CMAS: variants seen among roughly 807,000 people sequenced by gnomAD.
The protein encoded by CMAS is cytidine monophosphate N-acetylneuraminic acid synthetase, also known as N-acylneuraminate cytidylyltransferase.
A neutral mutation model predicts 53.4 loss-of-function variants in CMAS; 21 were observed. That is an observed-to-expected ratio of 0.39 (90% CI 0.28 to 0.57). The LOEUF is 0.57. Among genes scored for constraint, CMAS ranks in the 20% least tolerant of loss-of-function variants. The pLI, the probability that CMAS is intolerant of heterozygous loss-of-function variation, is 0.56. For missense variants in CMAS, 384 were observed against 534.9 expected (o/e 0.72, Z 2.78); for synonymous variants, 189 against 195.2 (o/e 0.97, Z 0.27).
At chr12:22,058,467 C>A in intron 3 of CMAS, 100 bp from the exon 4 acceptor site, 1 of 996,172 alleles carries the variant, frequency 1.0e-6, no homozygotes, top group Non-Finnish European at 1.5e-6. Flanking sequence ...TAAAGAAATG[C>A]TCTGCATTCT....
rs965722943 is a variant in CMAS, at chr12:22,061,324, T to C, written c.832T>C (p.Leu278=). ...GKEKLKEIKL[L]VCNIDGCLTN... is the part of the protein sequence containing the mutation. ...AGAGAAGCTTAAGGAAATAAAACTT[T>C]TGGTTTGCAATATTGATGGATGTCT... is the stretch of plus-strand genomic sequence containing the variant. Residue 278 remains leucine (L), a synonymous_variant, in exon 6 of 8, where the codon TTG becomes CTG. Transcript: ENST00000229329. 2.5e-6 allele frequency: 4 copies of C among 1,611,898 alleles called. No individual in the cohort carries two copies. Among genetic ancestry groups the C allele is most frequent in the Middle Eastern group, 1.6e-4 (1 of 6,070 alleles).
At chr12:22,052,747 TGGG>T (rs1950244573) in intron 1 of CMAS, among the ~76,000 whole-genome samples, 1 of 152,224 alleles carries the variant, frequency 6.6e-6, no homozygotes, top group Non-Finnish European at 1.5e-5. Context: ...TGGAGGAAAA[TGGG>T]GGCTCCTGCG....
Position 22,046,327 on chromosome 12 carries a change from C to T in CMAS, c.24C>T (p.Ala8=). Residue 8 remains alanine, a synonymous_variant, in exon 1 of 8, where the codon GCC becomes GCT. Transcript: ENST00000229329. The part of the protein sequence containing the change: MDSVEKG[A]ATSVSNPRGR... Reference sequence around the variant, plus strand: ...AGATGGACTCGGTGGAGAAGGGGGCCGCCACCTCCGTCTCCAACCCGCGGG... The same window carrying T: ...AGATGGACTCGGTGGAGAAGGGGGCTGCCACCTCCGTCTCCAACCCGCGGG... The T allele has an allele frequency of 2.0e-6, 3 of 1,492,276 alleles. No individual in the cohort carries two copies. Among genetic ancestry groups the T allele is most frequent in the East Asian group, 2.6e-5 (1 of 37,864 alleles). The allele number at this position is 1,492,276 out of a possible 1,614,324, so 92.4% of individuals were successfully genotyped here.
chr12:22,063,444 T>G (rs1169155741), intron 7 of CMAS, among the ~76,000 whole-genome samples: 2 of 152,186 alleles, frequency 1.3e-5, no homozygotes, highest in African/African-American at 4.8e-5. Flanking sequence ...CTTTGGGATG[T>G]TAAGCAAGCT....
intron 4 of CMAS, among the ~76,000 whole-genome samples, chr12:22,060,266 G>A (rs1275904202): frequency 2.1e-5 from 3 of 144,692 alleles, no homozygotes; most frequent in Non-Finnish European, 4.5e-5. Context: ...CTTAAATAGG[G>A]AACTTGAACT....
intron 7 of CMAS, among the ~76,000 whole-genome samples, chr12:22,064,453 G>T (rs1336606795): frequency 6.6e-6 from 1 of 151,968 alleles, no homozygotes; most frequent in Non-Finnish European, 1.5e-5. Context: ...ATAAACAAAA[G>T]ACCATATGTT....
intron 1 of CMAS, among the ~76,000 whole-genome samples, chr12:22,051,417 A>T (rs1477092558): frequency 1.3e-5 from 2 of 152,178 alleles, no homozygotes; most frequent in Admixed American, 1.3e-4. Flanking sequence ...TGCTGTTATT[A>T]TCCCTAAAAT....
At chr12:22,059,704 G>A (rs1011185274) in intron 4 of CMAS, among the ~76,000 whole-genome samples, 5 of 152,102 alleles carry the variant, frequency 3.3e-5, no homozygotes, top group African/African-American at 1.2e-4. Flanking sequence ...AAATTTAAGT[G>A]TTCAGAAAAA....
chr12:22,054,094 T>G (rs1950252713), intron 1 of CMAS, among the ~76,000 whole-genome samples: 1 of 151,304 alleles, frequency 6.6e-6, no homozygotes. Context: ...GCCCAGCTAA[T>G]TTTTGTATGT....
intron 4 of CMAS, among the ~76,000 whole-genome samples, chr12:22,059,312 TA>T (rs1332209408): frequency 6.6e-6 from 1 of 151,970 alleles, no homozygotes; most frequent in Non-Finnish European, 1.5e-5. Flanking sequence ...CTTAACTTGT[TA>T]ATTTTAGTTA....
At chr12:22,054,274 G>A (rs1431178221) in intron 1 of CMAS, among the ~76,000 whole-genome samples, 1 of 152,072 alleles carries the variant, frequency 6.6e-6, no homozygotes, top group Non-Finnish European at 1.5e-5. Flanking sequence ...TTTAGCAGTG[G>A]GAATTTGTGA....
chr12:22,061,394 T>TATC lies in CMAS; in HGVS notation c.903_905dup (p.Ser302dup), dbSNP rs1950307654. 3.7e-6 allele frequency: 6 copies of TATC among 1,606,406 alleles called. No individual in the cohort carries two copies. The highest frequency in any genetic ancestry group is 1.7e-5 in the Admixed American group (1 of 59,644). ...GTATCAGGAGACCAAAAAGAAATAA[T>TATC]ATCTTATGATGTAAAAGATGCTATT... On this transcript the variant is annotated inframe_insertion, in exon 6 of 8. Coordinates refer to ENST00000229329, the MANE Select transcript of CMAS (RefSeq NM_018686.6).
In CMAS at chr12:22,046,604, G is replaced by T. The variant is rs369569903; in HGVS notation, c.260+41G>T. ...AGTGGGCGGCGCGGCCTGGGCGGGG[G>T]TCGGGAGAGGGAGTCGGGCTGCTGG... On this transcript the variant is annotated intron_variant, in intron 1 of 7. Transcript: ENST00000229329. 10 of 1,482,376 alleles carry T rather than the reference G, an allele frequency of 6.7e-6. No homozygotes were observed. In the South Asian group the frequency reaches 9.7e-5, roughly 14 times the overall value. 91.8% of individuals were successfully genotyped at this position (1,482,376 alleles called of 1,614,324 possible). A position where few individuals can be genotyped will look rare whatever the true frequency, so the allele number is the denominator to read the frequency against.
At chr12:22,060,048 TAC>T (rs1008963157) in intron 4 of CMAS, among the ~76,000 whole-genome samples, 1 of 152,086 alleles carries the variant, frequency 6.6e-6, no homozygotes, top group African/African-American at 2.4e-5. Context: ...CAACAGATGC[TAC>T]AGTTATTTTT....
At chr12:22,058,749 A>G in intron 4 of CMAS, 49 bp downstream of exon 4, 1 of 1,584,340 alleles carries the variant, frequency 6.3e-7, no homozygotes, top group Non-Finnish European at 8.6e-7. Context: ...TTGTAGGCAT[A>G]CTTTGAGTTC....
intron 3 of CMAS, among the ~76,000 whole-genome samples, chr12:22,056,306 CTTCT>C (rs368896686): frequency 3.3e-5 from 5 of 152,252 alleles, no homozygotes; most frequent in African/African-American, 1.2e-4. Flanking sequence ...CTGTAATCTG[CTTCT>C]TTCTTGATTG....
rs34464090 is a variant in CMAS, at chr12:22,059,846, G to GA, written c.694-976dup. 2.8e-3 allele frequency among the ~76,000 whole-genome samples: 411 copies of GA among 147,146 alleles called. 2 individuals carry two copies. Among genetic ancestry groups the GA allele is most frequent in the Non-Finnish European group, 3.6e-3 (240 of 66,444 alleles). On this transcript the variant is annotated intron_variant, in intron 4 of 7. Coordinates refer to ENST00000229329, the MANE Select transcript of CMAS (RefSeq NM_018686.6). ...GGTTTATGAAGAGACTGACAATTCT[G>GA]AAAAAAAAAATGAAATTGAAATTGT...
At chr12:22,064,702 TA>T (rs1950333413) in intron 7 of CMAS, among the ~76,000 whole-genome samples, 1 of 152,090 alleles carries the variant, frequency 6.6e-6, no homozygotes. Flanking sequence ...CCAAATAAAC[TA>T]GGGGGCAGTG....
Position 22,059,782 on chromosome 12 carries a change from T to C in CMAS, c.694-1050T>C, listed in dbSNP as rs142537694. On this transcript the variant is annotated intron_variant, in intron 4 of 7. Transcript: ENST00000229329. ...TCTAAGGAGGACCATGATTAACCCA[T>C]TCCTAAAGTGTGGAGAAAAATGTTT... is the stretch of plus-strand genomic sequence containing the variant. Among the ~76,000 whole-genome samples the C allele has an allele frequency of 9.7e-4, 147 of 152,218 alleles. 1 individual carries two copies. Among genetic ancestry groups the C allele is most frequent in the African/African-American group, 3.3e-3 (139 of 41,538 alleles).
Sources: gnomAD v4.1 joint callset for allele counts (sites outside exome capture counted in the v4.1 genomes callset) on GRCh38, gnomAD v4.1.1 for gene constraint, MANE v1.5 for transcripts, NCBI Gene and HGNC (gene_info 2026-07-23, HGNC 2026-07-21) for gene names.